The following EXOC2 variants were observed in gnomAD, a reference collection of about 807,000 sequenced individuals.
EXOC2 encodes SEC5-like 1.
In EXOC2, 70 loss-of-function variants were observed where a neutral mutation model predicts 131.8. The observed-to-expected ratio is 0.53, with a 90% CI of 0.44 to 0.65. EXOC2 has a LOEUF of 0.65. Ranked by LOEUF, EXOC2 falls within the 30% of genes least tolerant of loss-of-function variation. The pLI, the probability that EXOC2 is intolerant of heterozygous loss-of-function variation, is 0.00. For missense variants in EXOC2, 923 were observed against 1,108.6 expected (o/e 0.83, Z 2.38); for synonymous variants, 411 against 398.4 (o/e 1.03, Z -0.38).
chr6:513,839 A>G (rs142282487), intron 23 of EXOC2, among the ~76,000 whole-genome samples: 13 of 152,372 alleles, frequency 8.5e-5, no homozygotes, highest in African/African-American at 3.1e-4. Context: ...AAGGATTTTA[A>G]TAACATTGCC....
chr6:667,587 T>C (rs1476555799), intron 1 of EXOC2, among the ~76,000 whole-genome samples: 1 of 97,440 alleles, frequency 1.0e-5, no homozygotes, highest in Non-Finnish European at 2.4e-5. Context: ...TTTTTGGAAC[T>C]GGGACACCCA....
chr6:670,986 A>T (rs1446637191), intron 1 of EXOC2, among the ~76,000 whole-genome samples: 1 of 150,460 alleles, frequency 6.6e-6, no homozygotes, highest in Non-Finnish European at 1.5e-5. Flanking sequence ...AGGCTGAGGC[A>T]GAAGGACCAC....
intron 14 of EXOC2, 49 bp from the exon 15 acceptor site, chr6:564,751 G>T (rs780487458): frequency 2.5e-6 from 4 of 1,573,452 alleles, no homozygotes; most frequent in Non-Finnish European, 3.4e-6. Context: ...GATTAATCGG[G>T]TTACATTAAC....
intron 1 of EXOC2, among the ~76,000 whole-genome samples, chr6:642,688 A>G (rs1308838517): frequency 6.6e-6 from 1 of 152,208 alleles, no homozygotes; most frequent in Non-Finnish European, 1.5e-5. Flanking sequence ...TAAAATTATA[A>G]AATTATTTTT....
At position 654,570 on chromosome 6, in the gene EXOC2, C is replaced by T. The variant is rs541221660; in HGVS notation, c.-43-16709G>A. 6.7e-4 allele frequency among the ~76,000 whole-genome samples: 101 copies of T among 151,732 alleles called. 1 individual carries two copies. The South Asian group carries it at 0.017, about 26-fold the overall frequency. On this transcript the variant is annotated intron_variant, in intron 1 of 27. Transcript: ENST00000230449. Reference sequence around the variant, plus strand: ...ATCCCAGCACTATGGAAGGCTAAGGCGGGAGGATTGCTTGAGGACAGAAGT... The same window carrying T: ...ATCCCAGCACTATGGAAGGCTAAGGTGGGAGGATTGCTTGAGGACAGAAGT...
chr6:677,418 A>G (rs927553563), intron 1 of EXOC2, among the ~76,000 whole-genome samples: 1 of 152,266 alleles, frequency 6.6e-6, no homozygotes, highest in African/African-American at 2.4e-5. Context: ...AATATTTTTC[A>G]ATATAAAATC....
At chr6:562,001 G>A (rs976421668) in intron 17 of EXOC2, among the ~76,000 whole-genome samples, 11 of 152,234 alleles carry the variant, frequency 7.2e-5, no homozygotes, top group African/African-American at 2.4e-4. Flanking sequence ...GAGGAGAGTT[G>A]CAAGTTATGG....
chr6:574,277 G>A (rs982898304), intron 12 of EXOC2, among the ~76,000 whole-genome samples: 1 of 152,218 alleles, frequency 6.6e-6, no homozygotes, highest in East Asian at 1.9e-4. Context: ...ACCTGTGGTT[G>A]TAATTTTGAT....
chr6:495,345 C>G (rs922204833), intron 25 of EXOC2, among the ~76,000 whole-genome samples: 2 of 151,452 alleles, frequency 1.3e-5, no homozygotes, highest in African/African-American at 4.9e-5. Context: ...AGGATGGTCT[C>G]GATCTCCTGA....
At chr6:533,971 G>T (rs1444538553) in intron 22 of EXOC2, among the ~76,000 whole-genome samples, 1 of 152,050 alleles carries the variant, frequency 6.6e-6, no homozygotes, top group Non-Finnish European at 1.5e-5. Flanking sequence ...GCAACAACTT[G>T]AACAGAAAAA....
chr6:665,720 TCTAAG>T (rs891387980), intron 1 of EXOC2, among the ~76,000 whole-genome samples: 2 of 151,728 alleles, frequency 1.3e-5, no homozygotes, highest in Admixed American at 1.3e-4. Flanking sequence ...ATATGTGGGA[TCTAAG>T]CTATGAGGAT....
intron 23 of EXOC2, among the ~76,000 whole-genome samples, chr6:515,403 C>T (rs1366608872): frequency 6.6e-6 from 1 of 152,252 alleles, no homozygotes; most frequent in East Asian, 1.9e-4. Flanking sequence ...CGTCTGTCCC[C>T]TGCTTTCCTG....
At chr6:589,471 T>C (rs1759411798) in intron 11 of EXOC2, among the ~76,000 whole-genome samples, 1 of 152,256 alleles carries the variant, frequency 6.6e-6, no homozygotes, top group Admixed American at 6.5e-5. Context: ...TCACCTCCTC[T>C]AGAAAACTTC....
At chr6:614,900 A>T (rs1225250460) in intron 6 of EXOC2, among the ~76,000 whole-genome samples, 2 of 151,214 alleles carry the variant, frequency 1.3e-5, no homozygotes, top group Non-Finnish European at 1.5e-5. Context: ...GAGAACAGAG[A>T]CTATGAAAAC....
chr6:623,434 T>G (rs1761396390), intron 4 of EXOC2, among the ~76,000 whole-genome samples: 1 of 152,224 alleles, frequency 6.6e-6, no homozygotes, highest in Non-Finnish European at 1.5e-5. Flanking sequence ...TTCACTGATC[T>G]TAATTGGAAG....
intron 6 of EXOC2, among the ~76,000 whole-genome samples, chr6:615,255 C>T (rs1275525331): frequency 6.6e-6 from 1 of 151,472 alleles, no homozygotes; most frequent in Non-Finnish European, 1.5e-5. Flanking sequence ...CTCACCTGTT[C>T]GTTCCCAGTC....
intron 27 of EXOC2, 90 bp from the exon 28 acceptor site, chr6:486,854 G>T: frequency 1.1e-6 from 1 of 943,532 alleles, no homozygotes; most frequent in Non-Finnish European, 1.7e-6. Flanking sequence ...GCCCGGCTCT[G>T]CCTGGGCTTG....
At chr6:653,652 G>A (rs1248792794) in intron 1 of EXOC2, among the ~76,000 whole-genome samples, 2 of 152,230 alleles carry the variant, frequency 1.3e-5, no homozygotes, top group Non-Finnish European at 2.9e-5. Context: ...AAAATGCAAG[G>A]TGATGCAATG....
In EXOC2 at chr6:585,803, TTA is replaced by T. The variant is rs1759174927; in HGVS notation, c.1192+6664_1192+6665del. On this transcript the variant is annotated intron_variant, in intron 11 of 27. Coordinates refer to ENST00000230449, the MANE Select transcript of EXOC2 (RefSeq NM_018303.6). ...AGAATTATTTTTCCGTTTGAAATAT[TTA>T]TAGTCTATCCATTTAAAATTGCATT... is the stretch of plus-strand genomic sequence containing the variant. Among the ~76,000 whole-genome samples the T allele has an allele frequency of 2.0e-5, 3 of 152,362 alleles. No individual in the cohort carries two copies. In the South Asian group the frequency reaches 6.2e-4, roughly 32 times the overall value.
Sources: gnomAD v4.1 joint callset for allele counts (sites outside exome capture counted in the v4.1 genomes callset) on GRCh38, gnomAD v4.1.1 for gene constraint, MANE v1.5 for transcripts, NCBI Gene and HGNC (gene_info 2026-07-23, HGNC 2026-07-21) for gene names.